NAA15: variants seen among roughly 807,000 people sequenced by gnomAD.
NAA15 encodes N-alpha-acetyltransferase 15, NatA auxiliary subunit.
In NAA15, 34 loss-of-function variants were observed where a neutral mutation model predicts 114.0. The ratio of observed to expected loss-of-function variants is 0.30; its 90% CI spans 0.23 to 0.40. The LOEUF is 0.40. Ranked by LOEUF, NAA15 falls within the 10% of genes least tolerant of loss-of-function variation. NAA15 has a pLI of 1.00. For missense variants in NAA15, 658 were observed against 1,004.5 expected, an observed-to-expected ratio of 0.66 and a Z score of 4.66; for synonymous variants, 340 against 338.0, an observed-to-expected ratio of 1.01 and a Z score of -0.06.
chr4:139,309,312 C>G (rs1363995990), intron 1 of NAA15, among the ~76,000 whole-genome samples: 1 of 150,378 alleles, frequency 6.6e-6, no homozygotes. Context: ...CGCGCCATTG[C>G]TCTCCAGCCT....
chr4:139,373,761 G>C (rs1375846063), intron 15 of NAA15, among the ~76,000 whole-genome samples: 1 of 151,460 alleles, frequency 6.6e-6, no homozygotes, highest in Non-Finnish European at 1.5e-5. Flanking sequence ...GCAGTAGCAT[G>C]ATCTCAGCTC....
chr4:139,311,365 G>A (rs1013150105), intron 1 of NAA15, among the ~76,000 whole-genome samples: 3 of 140,658 alleles, frequency 2.1e-5, no homozygotes, highest in Non-Finnish European at 4.6e-5. Context: ...GTGATTACAG[G>A]GCAAGAGAGA....
chr4:139,340,847 T>C (rs2110910758), intron 3 of NAA15, 65 bp from the exon 4 acceptor site: 1 of 1,322,756 alleles, frequency 7.6e-7, no homozygotes, highest in Non-Finnish European at 1.0e-6. Flanking sequence ...CTCCAAGTTT[T>C]TTGGGAGGTC....
intron 1 of NAA15, among the ~76,000 whole-genome samples, chr4:139,315,053 T>TAGTTTAGTTG (rs1746359988): frequency 8.5e-6 from 1 of 117,128 alleles, no homozygotes; most frequent in Non-Finnish European, 1.8e-5. Flanking sequence ...TAGGTTAGGT[T>TAGTTTAGTTG]AGTTTAGTTT....
chr4:139,370,314 G>A lies in NAA15; in HGVS notation c.1857G>A (p.Lys619=). Residue 619 remains lysine, a synonymous_variant, in exon 15 of 20, where the codon AAG becomes AAA. Coordinates refer to ENST00000296543, the MANE Select transcript of NAA15 (RefSeq NM_057175.5). Reference sequence around the variant, plus strand: ...AGAAAAAAAATGCAGAAAAAGAAAAGCAGCAGAGAAATCAGAAAAAGAAGA... The same window carrying A: ...AGAAAAAAAATGCAGAAAAAGAAAAACAGCAGAGAAATCAGAAAAAGAAGA... The part of the protein sequence containing the change: ...EEEKKNAEKE[K]QQRNQKKKKD... 1 of 1,597,962 alleles carries A rather than the reference G, an allele frequency of 6.3e-7. No individual in the cohort carries two copies. Among genetic ancestry groups the A allele is most frequent in the Non-Finnish European group, 8.5e-7 (1 of 1,170,764 alleles).
intron 17 of NAA15, among the ~76,000 whole-genome samples, chr4:139,380,630 C>T (rs1466602446): frequency 1.3e-5 from 2 of 152,118 alleles, no homozygotes; most frequent in African/African-American, 2.4e-5. Flanking sequence ...TACTGAGTAT[C>T]TATACTGGCT....
rs113937233 is a variant in NAA15, at chr4:139,307,565, C to G, written c.54+5734C>G. On this transcript the variant is annotated intron_variant, in intron 1 of 19. Transcript: ENST00000296543. The stretch of plus-strand genomic sequence containing the variant: ...TACAGATGTGAGCTACTGTGCCTGG[C>G]CTGGCCACATGTAATTATTGCACAC... 7.1e-3 allele frequency among the ~76,000 whole-genome samples: 1,083 copies of G among 152,318 alleles called. 7 individuals are homozygous for G. The highest frequency in any genetic ancestry group is 0.011 in the Non-Finnish European group (748 of 68,036).
chr4:139,372,130 A>T (rs939102469), intron 15 of NAA15, among the ~76,000 whole-genome samples: 1 of 152,080 alleles, frequency 6.6e-6, no homozygotes, highest in Admixed American at 6.5e-5. Flanking sequence ...GTTAGCTAGG[A>T]TGGTCTCCAT....
chr4:139,340,905 T>G lies in NAA15; in HGVS notation c.245-7T>G, dbSNP rs775999177. On this transcript the variant is annotated splice_region_variant and splice_polypyrimidine_tract_variant and intron_variant, in intron 3 of 19. Transcript: ENST00000296543. ...TTGTAGGTTGTACCCTTAACTAAAT[T>G]CTTTAGGTTGGCACGTTTATGGCCT... 2.6e-6 allele frequency: 4 copies of G among 1,531,556 alleles called. No individual in the cohort carries two copies. The highest frequency in any genetic ancestry group is 3.5e-6 in the Non-Finnish European group (4 of 1,144,112). 94.9% of individuals were successfully genotyped at this position (1,531,556 alleles called of 1,614,324 possible).
intron 17 of NAA15, among the ~76,000 whole-genome samples, chr4:139,379,993 C>T (rs1343059957): frequency 2.0e-5 from 3 of 152,126 alleles, no homozygotes; most frequent in East Asian, 3.9e-4. Context: ...TGCAGTGAGC[C>T]GAGATCACGC....
chr4:139,336,426 T>G (rs911577556), intron 2 of NAA15, among the ~76,000 whole-genome samples: 8 of 152,196 alleles, frequency 5.3e-5, no homozygotes, highest in African/African-American at 1.9e-4. Context: ...GTGTATTTTT[T>G]AAATCACTGA....
intron 3 of NAA15, among the ~76,000 whole-genome samples, chr4:139,339,487 A>G (rs1049812862): frequency 6.6e-6 from 1 of 152,086 alleles, no homozygotes; most frequent in Non-Finnish European, 1.5e-5. Context: ...ATAGAGCGAG[A>G]CCATCTCTTT....
At chr4:139,379,090 T>A in intron 17 of NAA15, 1 of 315,868 alleles carries the variant, frequency 3.2e-6, no homozygotes, top group Non-Finnish European at 5.7e-6. Context: ...ATCATCTTTG[T>A]TTCTGTTTCT....
intron 6 of NAA15, 21 bp downstream of exon 6, chr4:139,344,360 A>C (rs1747510059): frequency 6.3e-7 from 1 of 1,583,546 alleles, no homozygotes; most frequent in Admixed American, 1.7e-5. Flanking sequence ...AAGAATTGTC[A>C]TTTATTCTAA....
intron 1 of NAA15, among the ~76,000 whole-genome samples, chr4:139,327,003 A>C (rs1035601614): frequency 2.0e-5 from 3 of 151,448 alleles, no homozygotes; most frequent in Non-Finnish European, 4.4e-5. Flanking sequence ...TGGTGTGACC[A>C]TAGTTCACTG....
intron 17 of NAA15, among the ~76,000 whole-genome samples, chr4:139,383,464 A>G (rs1208753032): frequency 6.6e-6 from 1 of 152,154 alleles, no homozygotes; most frequent in Non-Finnish European, 1.5e-5. Flanking sequence ...ACAACAGTGC[A>G]TTCATTCATT....
chr4:139,375,966 CTTTG>C (rs1476861374), intron 15 of NAA15, among the ~76,000 whole-genome samples: 3 of 152,144 alleles, frequency 2.0e-5, no homozygotes, highest in Non-Finnish European at 4.4e-5. Context: ...TTATACTTCA[CTTTG>C]TTTGAATTAT....
chr4:139,323,958 G>A (rs1746704536), intron 1 of NAA15, among the ~76,000 whole-genome samples: 1 of 152,114 alleles, frequency 6.6e-6, no homozygotes, highest in Admixed American at 6.6e-5. Context: ...AGGCTATAGT[G>A]CAGCAGCCTT....
chr4:139,336,820 T>C, intron 2 of NAA15, 28 bp from the exon 3 acceptor site: 1 of 1,339,852 alleles, frequency 7.5e-7, no homozygotes, highest in Non-Finnish European at 1.0e-6. Flanking sequence ...TTTAAAATGT[T>C]CCTTTTCTTC....
Sources: allele counts gnomAD v4.1 joint callset (sites outside exome capture counted in the v4.1 genomes callset), GRCh38; gene constraint gnomAD v4.1.1; transcripts MANE v1.5; gene names NCBI Gene and HGNC (gene_info 2026-07-23, HGNC 2026-07-21).